Variants in GARIN1A observed in about 807,000 individuals in gnomAD.
GARIN1A encodes Golgi-associated RAB2 interactor protein 1A.
the GARIN1A span, among the ~76,000 whole-genome samples, chr7:128,704,628 A>G: frequency 1.3e-5 from 2 of 152,100 alleles, no homozygotes; most frequent in South Asian, 4.2e-4. Context: ...GGAGCGTGCA[A>G]CCTAGATCAC....
At chr7:128,703,458 G>A in the GARIN1A span, among the ~76,000 whole-genome samples, 1 of 152,188 alleles carries the variant, frequency 6.6e-6, no homozygotes, top group Non-Finnish European at 1.5e-5. Flanking sequence ...TTTTAAAACA[G>A]TTTGCGCCCA....
chr7:128,692,828 TAG>T, the GARIN1A span, among the ~76,000 whole-genome samples: 1 of 152,172 alleles, frequency 6.6e-6, no homozygotes, highest in Admixed American at 6.5e-5. Context: ...CTGGGTTCAT[TAG>T]TGACCTCCCA....
chr7:128,680,105 C>G, the GARIN1A span: 6 of 1,576,302 alleles, frequency 3.8e-6, no homozygotes, highest in Non-Finnish European at 4.3e-6. Context: ...AGACCAGTGG[C>G]AGTTTCTCAC....
At chr7:128,682,895 A>T in the GARIN1A span, 1 of 1,304,080 alleles carries the variant, frequency 7.7e-7, no homozygotes, top group Non-Finnish European at 1.0e-6. Flanking sequence ...TTTTTAAGTT[A>T]AATTTTAACA....
chr7:128,672,536 A>G, the GARIN1A span: 1 of 1,609,454 alleles, frequency 6.2e-7, no homozygotes, highest in Non-Finnish European at 8.5e-7. Flanking sequence ...GGTGTTTGAA[A>G]GCAACTTTAT....
chr7:128,675,729 C>T, the GARIN1A span: 1 of 1,613,878 alleles, frequency 6.2e-7, no homozygotes, highest in Admixed American at 1.7e-5. Context: ...CACCGTGATC[C>T]TCGGGGTCAC....
At chr7:128,677,685 G>A in the GARIN1A span, 2 of 1,613,756 alleles carry the variant, frequency 1.2e-6, no homozygotes, top group Non-Finnish European at 1.7e-6. Context: ...CCCAGAGATT[G>A]TGTTTCAATT....
chr7:128,696,502 G>A, the GARIN1A span, among the ~76,000 whole-genome samples: 1 of 152,068 alleles, frequency 6.6e-6, no homozygotes, highest in African/African-American at 2.4e-5. Flanking sequence ...ACTGAGATGT[G>A]TAACAAGATT....
the GARIN1A span, among the ~76,000 whole-genome samples, chr7:128,688,938 T>C: frequency 6.6e-6 from 1 of 151,244 alleles, no homozygotes; most frequent in Non-Finnish European, 1.5e-5. Context: ...GTGCCTGCGA[T>C]TGCAGGCGCG....
the GARIN1A span, among the ~76,000 whole-genome samples, chr7:128,679,426 C>G: frequency 1.3e-5 from 2 of 152,108 alleles, no homozygotes; most frequent in Middle Eastern, 6.8e-3. Context: ...CTCTTGATCT[C>G]GTGATCCAAC....
chr7:128,701,336 AGGGGAGG>A, the GARIN1A span, among the ~76,000 whole-genome samples: 1 of 62,778 alleles, frequency 1.6e-5, no homozygotes, highest in Non-Finnish European at 3.2e-5. Flanking sequence ...GGGGGAGGGG[AGGGGAGG>A]GGGAGGGGAG....
At chr7:128,671,961 G>A in the GARIN1A span, among the ~76,000 whole-genome samples, 1 of 152,166 alleles carries the variant, frequency 6.6e-6, no homozygotes, top group Non-Finnish European at 1.5e-5. Flanking sequence ...TTGGTGAGGG[G>A]CTTCAAGGGG....
chr7:128,680,569 TA>T, the GARIN1A span, among the ~76,000 whole-genome samples: 57,893 of 139,200 alleles, frequency 0.42, 12,604 homozygotes, highest in East Asian at 0.55. Context: ...TCTTTCTTTT[TA>T]TTTTTTTTTT....
the GARIN1A span, among the ~76,000 whole-genome samples, chr7:128,700,284 G>GTT: frequency 5.3e-4 from 72 of 134,642 alleles, no homozygotes; most frequent in African/African-American, 1.5e-3. Flanking sequence ...TTTGTATTTT[G>GTT]TTTTTTTTTT....
At chr7:128,706,917 G>C in the GARIN1A span, among the ~76,000 whole-genome samples, 1 of 152,220 alleles carries the variant, frequency 6.6e-6, no homozygotes. Context: ...GCTGCAGGTT[G>C]TATTATTGAC....
chr7:128,680,551 C>T, the GARIN1A span, among the ~76,000 whole-genome samples: 40,033 of 149,018 alleles, frequency 0.27, 5,795 homozygotes, highest in East Asian at 0.54. Flanking sequence ...TTTTCTTTTT[C>T]CTTTCTTTCT....
the GARIN1A span, chr7:128,677,735 C>T: frequency 2.5e-6 from 4 of 1,613,820 alleles, no homozygotes; most frequent in South Asian, 3.3e-5. Flanking sequence ...AAGGCCTGTC[C>T]ATCACCACCA....
chr7:128,699,316 T>A, the GARIN1A span, among the ~76,000 whole-genome samples: 3 of 126,858 alleles, frequency 2.4e-5, no homozygotes, highest in Non-Finnish European at 3.2e-5. Context: ...GCACTTCAAC[T>A]GCTTCTTATT....
the GARIN1A span, among the ~76,000 whole-genome samples, chr7:128,672,943 C>T: frequency 2.0e-5 from 3 of 152,268 alleles, no homozygotes; most frequent in South Asian, 2.1e-4. Context: ...TTAGAAACAG[C>T]CTTGTTTGAA....
Sources: gnomAD v4.1 joint callset for allele counts (sites outside exome capture counted in the v4.1 genomes callset) on GRCh38, gnomAD v4.1.1 for gene constraint, MANE v1.5 for transcripts, NCBI Gene and HGNC (gene_info 2026-07-23, HGNC 2026-07-21) for gene names.